The following EIF4E3 variants were observed in gnomAD, a reference collection of about 807,000 sequenced individuals.
The protein encoded by EIF4E3 is eukaryotic translation initiation factor 4E type 3.
EIF4E3 carries 26 observed loss-of-function variants against 31.7 expected under a neutral mutation model. The observed-to-expected ratio is 0.82, with a 90% confidence interval of 0.60 to 1.14. EIF4E3 has a LOEUF of 1.14. EIF4E3 is among the 50% of genes most tolerant of loss of function. The probability of loss-of-function intolerance (pLI) is 0.00; values close to 1 mark genes in which losing one functional copy is unlikely to be tolerated. For synonymous variants in EIF4E3, 128 were observed against 107.7 expected, an observed-to-expected ratio of 1.19 and a Z score of -1.17; for missense variants, 304 against 270.9, an observed-to-expected ratio of 1.12 and a Z score of -0.86.
upstream of EIF4E3, chr3:71,754,757 C>A: frequency 7.4e-7 from 1 of 1,350,482 alleles, no homozygotes; most frequent in South Asian, 1.7e-5. The surrounding 1 kb of genome is among the most constrained non-coding windows in gnomAD (Gnocchi z 5.8). Context: ...GCGCCACCGG[C>A]CAGGCGGCCG....
intron 1 of EIF4E3, among the ~76,000 whole-genome samples, chr3:71,752,431 A>G (rs530872746): frequency 2.6e-5 from 4 of 152,186 alleles, no homozygotes; most frequent in Non-Finnish European, 5.9e-5. Flanking sequence ...CCTGCAGACT[A>G]AAGTTTCGAC....
At chr3:71,712,644 G>GGGGGGGGGGGGGGGGGGGGGC (rs35405190) in intron 1 of EIF4E3, among the ~76,000 whole-genome samples, 4 of 123,986 alleles carry the variant, frequency 3.2e-5, no homozygotes, top group Admixed American at 8.2e-5. Context: ...GTGGGCGGGG[G>GGGGGGGGGGGGGGGGGGGGGC]AGATTCTAGG....
chr3:71,719,119 G>C (rs2049507237), intron 1 of EIF4E3, among the ~76,000 whole-genome samples: 2 of 152,190 alleles, frequency 1.3e-5, no homozygotes, highest in Non-Finnish European at 2.9e-5. Context: ...GCACCCTTTA[G>C]GGTGGGTCCC....
chr3:71,705,697 G>A (rs532633161), intron 2 of EIF4E3, among the ~76,000 whole-genome samples: 3 of 152,318 alleles, frequency 2.0e-5, no homozygotes, highest in African/African-American at 4.8e-5. Flanking sequence ...AAGGCTGAAA[G>A]AAACTGGAGA....
Position 71,699,708 on chromosome 3 carries a change from T to A in EIF4E3, c.250A>T (p.Ile84Leu). 6.2e-7 allele frequency: 1 copy of A among 1,610,074 alleles called. No individual in the cohort carries two copies. Among genetic ancestry groups the A allele is most frequent in the Non-Finnish European group, 8.5e-7 (1 of 1,177,680 alleles). Residue 84 changes from isoleucine (I) to leucine (L), a missense_variant and splice_region_variant, in exon 3 of 7, where the codon ATA (isoleucine) becomes TTA (leucine). Transcript: ENST00000425534. ...ATATTATTGTATACACTCCAAAATA[T>A]CTTTAAAAGAAAAACAAACACTTTG... ...KKIYTVQTVQ[I>L]FWSVYNNIPP...
intron 1 of EIF4E3, among the ~76,000 whole-genome samples, chr3:71,716,190 T>A (rs568039698): frequency 1.3e-5 from 2 of 151,904 alleles, no homozygotes; most frequent in Non-Finnish European, 2.9e-5. Context: ...AAATGTAATA[T>A]AAATAACATG....
rs1001398387 is a variant in EIF4E3 at position 71,725,288 on chromosome 3, G to A, written c.80C>T (p.Ala27Val). Residue 27 changes from alanine to valine, a missense_variant, in exon 1 of 7, where the codon GCC becomes GTC. By Grantham distance (64) the Ala-to-Val change is moderately conservative. Coordinates refer to ENST00000425534, the MANE Select transcript of EIF4E3 (RefSeq NM_001134651.2). This position sits in a 1 kb window ranked among gnomAD's most constrained non-coding sequence, Gnocchi z 6.1. ...PGSRAAAAAA[A>V]PEPPLGLQQL... ...CTGCAGGCCGAGCGGCGGCTCGGGG[G>A]CGGCGGCAGCGGCGGCGGCGCGGGA... 5 of 1,002,526 alleles carry A rather than the reference G, an allele frequency of 5.0e-6. No individual in the cohort carries two copies. Among genetic ancestry groups the A allele is most frequent in the East Asian group, 9.9e-5 (1 of 10,078 alleles). The allele number at this position is 1,002,526 out of a possible 1,614,324, so 62.1% of individuals were successfully genotyped here. A position where few individuals can be genotyped will look rare whatever the true frequency, so the allele number is the denominator to read the frequency against.
intron 1 of EIF4E3, among the ~76,000 whole-genome samples, chr3:71,717,297 T>G (rs1030960651): frequency 2.6e-5 from 4 of 152,208 alleles, no homozygotes; most frequent in African/African-American, 9.7e-5. Flanking sequence ...TAAATCAAGT[T>G]ATCGTAAGAA....
chr3:71,741,017 T>C (rs2049815103), intron 1 of EIF4E3, among the ~76,000 whole-genome samples: 4 of 151,944 alleles, frequency 2.6e-5, no homozygotes, highest in Admixed American at 2.6e-4. Context: ...TCACCTATAG[T>C]CCCAGCTACT....
At position 71,675,708 on chromosome 3, in the gene EIF4E3, GT is replaced by G. The variant is rs1196879826; in HGVS notation, c.*8973del. On this transcript the variant is annotated 3_prime_UTR_variant, in exon 7 of 7. Coordinates refer to ENST00000425534, the MANE Select transcript of EIF4E3 (RefSeq NM_001134651.2). ...CATTTCTTCATCTGTAAAATGAAAA[GT>G]TTGAACTAGGCCAGTGATTTTTCCA... 6.6e-6 allele frequency: 1 copy of G among 152,194 alleles called. No homozygotes were observed. The highest frequency in any genetic ancestry group is 1.5e-5 in the Non-Finnish European group (1 of 68,028). 9.4% of individuals were successfully genotyped at this position (152,194 alleles called of 1,614,324 possible). A position where few individuals can be genotyped will look rare whatever the true frequency, so the allele number is the denominator to read the frequency against.
At chr3:71,753,845 T>G (rs2049966312), upstream of EIF4E3, among the ~76,000 whole-genome samples, 1 of 147,238 alleles carries the variant, frequency 6.8e-6, no homozygotes, top group Non-Finnish European at 1.5e-5. Context: ...CGCCTCCTCC[T>G]GCGCGCACCA....
chr3:71,660,133 C>A, the EIF4E3 span, among the ~76,000 whole-genome samples: 10 of 152,250 alleles, frequency 6.6e-5, no homozygotes, highest in South Asian at 1.5e-3. Context: ...TGCTCACACT[C>A]AGTGGGTAGG....
At chr3:71,720,115 TA>T (rs879635189) in intron 1 of EIF4E3, among the ~76,000 whole-genome samples, 61 of 145,492 alleles carry the variant, frequency 4.2e-4, no homozygotes, top group East Asian at 2.2e-3. Flanking sequence ...TAGTTTTCCT[TA>T]AAAAAAAAAA....
At chr3:71,726,295 T>C (rs149549467), upstream of EIF4E3, among the ~76,000 whole-genome samples, 3,798 of 152,320 alleles carry the variant, frequency 0.025, 73 homozygotes, top group Non-Finnish European at 0.039. Context: ...AGCGGGCACC[T>C]GTGAACACAG....
chr3:71,666,473 G>A, the EIF4E3 span, among the ~76,000 whole-genome samples: 2 of 151,996 alleles, frequency 1.3e-5, no homozygotes, highest in Non-Finnish European at 2.9e-5. Flanking sequence ...CCCAAAAAAA[G>A]CCCAGGACCA....
upstream of EIF4E3, among the ~76,000 whole-genome samples, chr3:71,727,164 C>A (rs7616247): frequency 6.6e-6 from 1 of 152,188 alleles, no homozygotes; most frequent in Non-Finnish European, 1.5e-5. Flanking sequence ...AAGTCCACAA[C>A]GTAAAAACAA....
chr3:71,736,895 A>G lies in EIF4E3; in HGVS notation c.-290-8272T>C, dbSNP rs539491773. 3.9e-5 allele frequency among the ~76,000 whole-genome samples: 6 copies of G among 152,328 alleles called. No individual in the cohort carries two copies. The South Asian group carries it at 1.2e-3, about 32-fold the overall frequency. ...ATGTTGATAATGGAGAAGGCTATGC[A>G]TAAATGAGGATAGGATAAATGGAAA... On this transcript the variant is annotated intron_variant, in intron 1 of 7. Transcript: ENST00000295612.
At chr3:71,716,573 A>G (rs1325561742) in intron 1 of EIF4E3, among the ~76,000 whole-genome samples, 2 of 152,164 alleles carry the variant, frequency 1.3e-5, no homozygotes, top group Non-Finnish European at 2.9e-5. Flanking sequence ...CTGGGCCCCC[A>G]ATAATTGAAA....
At chr3:71,695,774 C>T (rs1559593072) in intron 4 of EIF4E3, among the ~76,000 whole-genome samples, 1 of 152,178 alleles carries the variant, frequency 6.6e-6, no homozygotes, top group Non-Finnish European at 1.5e-5. Flanking sequence ...CTGCCTAGCA[C>T]TTCCCCTTTG....
Sources: allele counts gnomAD v4.1 joint callset (sites outside exome capture counted in the v4.1 genomes callset), GRCh38; gene constraint gnomAD v4.1.1; non-coding constraint Gnocchi (gnomAD v3.1); transcripts MANE v1.5; gene names NCBI Gene and HGNC (gene_info 2026-07-23, HGNC 2026-07-21).